Variants in FSHR observed in about 807,000 individuals in gnomAD.
FSHR encodes the protein follicle-stimulating hormone receptor.
In FSHR, 46 loss-of-function variants were observed where a neutral mutation model predicts 52.1. The observed-to-expected ratio is 0.88, with a 90% CI of 0.70 to 1.13. The LOEUF (loss-of-function observed/expected upper bound fraction) is 1.13. Among genes scored for constraint, FSHR ranks in the 50% most tolerant of loss-of-function variants. FSHR has a pLI of 0.00. For missense variants in FSHR, 964 were observed against 834.6 expected, an observed-to-expected ratio of 1.16 and a Z score of -1.91; for synonymous variants, 399 against 309.6, an observed-to-expected ratio of 1.29 and a Z score of -3.03.
At chr2:49,100,423 G>C (rs1257696746) in intron 1 of FSHR, among the ~76,000 whole-genome samples, 2 of 152,158 alleles carry the variant, frequency 1.3e-5, no homozygotes, top group Admixed American at 6.5e-5. Flanking sequence ...ATACTCAACT[G>C]TTCAGTCATC....
intron 1 of FSHR, among the ~76,000 whole-genome samples, chr2:49,102,549 G>C (rs1166287863): frequency 6.6e-6 from 1 of 152,114 alleles, no homozygotes; most frequent in African/African-American, 2.4e-5. Flanking sequence ...GCAGTCAAAT[G>C]CTCACTAGGG....
rs1674273454 is a variant in FSHR, at chr2:48,962,596, C to A, written c.*137G>T. ...ATCACATGGAATTAATAGTTCCTGA[C>A]CAATTTACCTTAAAGGTATGCCAGG... On this transcript the variant is annotated 3_prime_UTR_variant, in exon 10 of 10. Transcript: ENST00000406846. 3 of 850,934 alleles carry A rather than the reference C, an allele frequency of 3.5e-6. No individual in the cohort carries two copies. Among genetic ancestry groups the A allele is most frequent in the African/African-American group, 1.7e-5 (1 of 59,342 alleles). The allele number at this position is 850,934 out of a possible 1,614,324, so 52.7% of individuals were successfully genotyped here. A position where few individuals can be genotyped will look rare whatever the true frequency, so the allele number is the denominator to read the frequency against.
In FSHR at chr2:48,963,812, A is replaced by G. The variant is rs148784693; in HGVS notation, c.1009T>C (p.Leu337=). Reference sequence around the variant, plus strand: ...GTCACGTCAACCACTTCATTGCATAAGTCATAGTCAAACTCAGTGTACGTC... The same window carrying G: ...GTCACGTCAACCACTTCATTGCATAGGTCATAGTCAAACTCAGTGTACGTC... The part of the protein sequence containing the change: ...DMTYTEFDYD[L]CNEVVDVTCS... Residue 337 remains leucine (L), a synonymous_variant, in exon 10 of 10, where the codon TTA becomes CTA. Coordinates refer to ENST00000406846, the MANE Select transcript of FSHR (RefSeq NM_000145.4). 48 of 1,614,116 alleles carry G rather than the reference A, an allele frequency of 3.0e-5. No homozygotes were observed. In the African/African-American group the frequency reaches 5.2e-4, roughly 17 times the overall value.
intron 8 of FSHR, 29 bp from the exon 9 acceptor site, chr2:48,968,912 G>A: frequency 3.8e-6 from 6 of 1,599,766 alleles, no homozygotes; most frequent in Non-Finnish European, 5.1e-6. Flanking sequence ...AATATAACAG[G>A]ATTACTATGG....
intron 4 of FSHR, among the ~76,000 whole-genome samples, chr2:48,994,453 T>C (rs1403946939): frequency 1.3e-5 from 2 of 152,154 alleles, no homozygotes; most frequent in Admixed American, 6.6e-5. Flanking sequence ...GCTAAAATTA[T>C]TCCAGTAGTG....
At chr2:49,145,490 G>GCCAATGGCTGTCTTCTTATCATCT (rs1672838271) in intron 1 of FSHR, among the ~76,000 whole-genome samples, 2 of 152,022 alleles carry the variant, frequency 1.3e-5, no homozygotes, top group Non-Finnish European at 1.5e-5. Flanking sequence ...GATGGGACAG[G>GCCAATGGCTGTCTTCTTATCATCT]CCAATGGCTG....
intron 2 of FSHR, among the ~76,000 whole-genome samples, chr2:49,035,084 T>C (rs1668231319): frequency 6.6e-6 from 1 of 152,242 alleles, no homozygotes; most frequent in South Asian, 2.1e-4. Context: ...TTTCAACGTC[T>C]TTAAGCATCA....
intron 9 of FSHR, among the ~76,000 whole-genome samples, chr2:48,965,869 T>A (rs539624834): frequency 6.6e-6 from 1 of 152,346 alleles, no homozygotes; most frequent in Admixed American, 6.5e-5. Context: ...GGACATCAAG[T>A]CTTGCCTCCG....
At chr2:49,113,986 GT>G in intron 1 of FSHR, among the ~76,000 whole-genome samples, 1 of 152,278 alleles carries the variant, frequency 6.6e-6, no homozygotes, top group East Asian at 1.9e-4. Context: ...AGAAGTGGCA[GT>G]TTATCAAGAG....
intron 1 of FSHR, among the ~76,000 whole-genome samples, chr2:49,127,738 TTTCTTCTTC>T (rs137939058): frequency 0.038 from 4,803 of 125,872 alleles, 352 homozygotes; most frequent in African/African-American, 0.069. Flanking sequence ...TTGTGCATGA[TTTCTTCTTC>T]TTCTTTCTTC....
At chr2:49,113,101 G>A (rs1671481407) in intron 1 of FSHR, among the ~76,000 whole-genome samples, 1 of 152,140 alleles carries the variant, frequency 6.6e-6, no homozygotes, top group South Asian at 2.1e-4. Context: ...GACTAAAGAG[G>A]TGAAGATGGA....
At chr2:49,028,903 C>G (rs1268097387) in intron 2 of FSHR, among the ~76,000 whole-genome samples, 1 of 152,168 alleles carries the variant, frequency 6.6e-6, no homozygotes, top group Non-Finnish European at 1.5e-5. Context: ...CTGAAAGTCC[C>G]TGATATTTTG....
chr2:48,988,160 G>T (rs924142591), intron 6 of FSHR, among the ~76,000 whole-genome samples: 1 of 152,074 alleles, frequency 6.6e-6, no homozygotes, highest in Non-Finnish European at 1.5e-5. Context: ...ACTGAAGGGG[G>T]CTAAAATTCT....
chr2:49,071,110 C>G (rs536964840), intron 1 of FSHR, among the ~76,000 whole-genome samples: 2 of 152,214 alleles, frequency 1.3e-5, no homozygotes, highest in African/African-American at 4.8e-5. Context: ...TCATCTCATA[C>G]ACATTCTAGA....
chr2:49,145,414 A>C (rs997870611), intron 1 of FSHR, among the ~76,000 whole-genome samples: 1 of 152,052 alleles, frequency 6.6e-6, no homozygotes, highest in African/African-American at 2.4e-5. Context: ...AAAGCAATGG[A>C]GTATTTTGGA....
At chr2:49,057,930 A>T (rs1669125928) in intron 2 of FSHR, among the ~76,000 whole-genome samples, 1 of 152,228 alleles carries the variant, frequency 6.6e-6, no homozygotes, top group African/African-American at 2.4e-5. Flanking sequence ...TCATATGACC[A>T]TGTCAATATA....
chr2:49,113,445 C>T (rs1327880453), intron 1 of FSHR, among the ~76,000 whole-genome samples: 4 of 152,148 alleles, frequency 2.6e-5, no homozygotes, highest in Non-Finnish European at 5.9e-5. Context: ...TTAATCCAGC[C>T]ACATACTCAC....
At chr2:49,016,895 A>T (rs781618343) in intron 4 of FSHR, among the ~76,000 whole-genome samples, 2 of 152,182 alleles carry the variant, frequency 1.3e-5, no homozygotes, top group Non-Finnish European at 2.9e-5. Flanking sequence ...CTTAACTGTT[A>T]TTTTGTGGGG....
intron 1 of FSHR, among the ~76,000 whole-genome samples, chr2:49,121,613 A>T (rs1307333708): frequency 6.6e-6 from 1 of 152,184 alleles, no homozygotes; most frequent in Admixed American, 6.5e-5. Flanking sequence ...ACAGACTTCT[A>T]TATGACTTAA....
Sources: allele counts gnomAD v4.1 joint callset (sites outside exome capture counted in the v4.1 genomes callset), GRCh38; gene constraint gnomAD v4.1.1; transcripts MANE v1.5; gene names NCBI Gene and HGNC (gene_info 2026-07-23, HGNC 2026-07-21).